EFR3B: variants seen among roughly 807,000 people sequenced by gnomAD.
EFR3B encodes the protein EFR3 homolog B.
Under a neutral mutation model 104.7 loss-of-function variants are expected in EFR3B, and 64 were observed. The ratio of observed to expected loss-of-function variants is 0.61; its 90% CI spans 0.50 to 0.75. The LOEUF (loss-of-function observed/expected upper bound fraction) is 0.75, where lower values mean the gene tolerates loss of function less well. Ranked by LOEUF, EFR3B falls within the 30% of genes least tolerant of loss-of-function variation. The pLI is 0.00. For synonymous variants in EFR3B, 385 were observed against 417.9 expected (o/e 0.92, Z 0.96); for missense variants, 750 against 1,078.5 (o/e 0.70, Z 4.27).
At chr2:25,083,600 G>C (rs1241957896) in intron 1 of EFR3B, among the ~76,000 whole-genome samples, 1 of 152,110 alleles carries the variant, frequency 6.6e-6, no homozygotes, top group African/African-American at 2.4e-5. Context: ...GCTGCTTTGG[G>C]ACCCAGAAGC....
chr2:25,135,697 G>T, intron 13 of EFR3B, 58 bp downstream of exon 13: 1 of 1,538,588 alleles, frequency 6.5e-7, no homozygotes. Context: ...TCTCCATTAG[G>T]TCCTATCCTT....
chr2:25,113,401 C>G (rs1353810644), intron 4 of EFR3B, among the ~76,000 whole-genome samples: 1 of 152,032 alleles, frequency 6.6e-6, no homozygotes, highest in Non-Finnish European at 1.5e-5. Context: ...GAAATAGTGA[C>G]CAGGCCGGGC....
chr2:25,151,946 G>A lies in EFR3B; in HGVS notation c.2224G>A (p.Glu742Lys). 1 of 1,551,740 alleles carries A rather than the reference G, an allele frequency of 6.4e-7. No homozygotes were observed. The highest frequency in any genetic ancestry group is 1.2e-5 in the South Asian group (1 of 84,056). Residue 742 changes from glutamate (E) to lysine (K), a missense_variant, in exon 21 of 23, where the codon GAG becomes AAG. By Grantham distance (56) the Glu-to-Lys change is moderately conservative. Coordinates refer to ENST00000403714, the MANE Select transcript of EFR3B (RefSeq NM_014971.2). ...DSVAVEEQER[E>K]RRRQVVEKFQ... ...CGTAGCAGTGGAGGAGCAGGAGCGT[G>A]AGCGGCGGCGGCAGGTGGTGGAGAA...
intron 1 of EFR3B, among the ~76,000 whole-genome samples, chr2:25,088,630 C>G (rs1669024916): frequency 1.3e-5 from 2 of 152,126 alleles, no homozygotes; most frequent in South Asian, 2.1e-4. Flanking sequence ...GCTATAAGTG[C>G]TTTATAGCCC....
At chr2:25,075,435 C>A (rs991002416) in intron 1 of EFR3B, among the ~76,000 whole-genome samples, 6 of 152,044 alleles carry the variant, frequency 3.9e-5, no homozygotes, top group Non-Finnish European at 1.5e-5. Flanking sequence ...TTCTTTTCAC[C>A]CTTTCTGACA....
At chr2:25,091,630 C>A (rs116220681) in intron 2 of EFR3B, among the ~76,000 whole-genome samples, 2,509 of 152,334 alleles carry the variant, frequency 0.016, 65 homozygotes, top group African/African-American at 0.057. Context: ...CAGAAGGCAG[C>A]TGGAAGTGCG....
intron 5 of EFR3B, among the ~76,000 whole-genome samples, chr2:25,126,740 C>CTT (rs1670179500): frequency 6.6e-6 from 1 of 151,946 alleles, no homozygotes; most frequent in African/African-American, 2.4e-5. Context: ...AAGCTATATA[C>CTT]TGGCCTTGCC....
chr2:25,065,346 A>ATTTTTT (rs749717958), intron 1 of EFR3B, among the ~76,000 whole-genome samples: 5 of 93,356 alleles, frequency 5.4e-5, no homozygotes, highest in Non-Finnish European at 8.2e-5. Context: ...ACACCCAGCT[A>ATTTTTT]TTTTTTTTTT....
chr2:25,096,939 C>T (rs988277142), intron 3 of EFR3B, among the ~76,000 whole-genome samples: 1 of 152,144 alleles, frequency 6.6e-6, no homozygotes, highest in African/African-American at 2.4e-5. Context: ...GAGGTTACAT[C>T]CTGAATAAGA....
In EFR3B at chr2:25,114,321, G is replaced by A. The variant is rs1242346777; in HGVS notation, c.364-7352G>A. Among the ~76,000 whole-genome samples, 5 of 152,094 alleles carry A rather than the reference G, an allele frequency of 3.3e-5. No homozygotes were observed. The highest frequency in any genetic ancestry group is 2.0e-4 in the Admixed American group (3 of 15,268). ...CCAGGTGACCTAGCTGGGCTGCTGC[G>A]ACTGCGCTTTCATACTTCCAGCCTC... On this transcript the variant is annotated intron_variant, in intron 4 of 22. Transcript: ENST00000403714. The surrounding 1 kb of genome is among the most constrained non-coding windows in gnomAD (Gnocchi z 4.0).
chr2:25,112,915 T>C (rs1272375447), intron 4 of EFR3B, among the ~76,000 whole-genome samples: 1 of 152,152 alleles, frequency 6.6e-6, no homozygotes, highest in Non-Finnish European at 1.5e-5. Context: ...ATGGCTATCT[T>C]CTGTTTGGAG....
chr2:25,129,884 T>C (rs569384437), intron 6 of EFR3B, 91 bp from the exon 7 acceptor site: 5 of 1,480,320 alleles, frequency 3.4e-6, no homozygotes, highest in Admixed American at 4.5e-5. Context: ...CCTGCTTGTC[T>C]TGTGTGGATG....
In EFR3B at chr2:25,042,597, C is replaced by T. The variant is rs747756866; in HGVS notation, c.7+278C>T. 8.7e-5 allele frequency: 103 copies of T among 1,188,230 alleles called. No homozygotes were observed. Among genetic ancestry groups the T allele is most frequent in the Non-Finnish European group, 1.0e-4 (98 of 960,276 alleles). 73.6% of individuals were successfully genotyped at this position (1,188,230 alleles called of 1,614,324 possible). On this transcript the variant is annotated intron_variant, in intron 1 of 22. Coordinates refer to ENST00000403714, the MANE Select transcript of EFR3B (RefSeq NM_014971.2). The surrounding 1 kb of genome is among the most constrained non-coding windows in gnomAD (Gnocchi z 5.4). ...GAGGCTCAGGGGAAAGCGGGTCTCC[C>T]GGAGCCGAGCAGACCGGGAGTGCTG...
chr2:25,094,032 A>C (rs1669207930), intron 3 of EFR3B, among the ~76,000 whole-genome samples: 1 of 152,128 alleles, frequency 6.6e-6, no homozygotes, highest in African/African-American at 2.4e-5. Flanking sequence ...CATACCTATA[A>C]TCCCAGCACT....
rs766496459 is a variant in EFR3B, at chr2:25,137,527, T to C, written c.1722+25T>C. 14 of 1,551,378 alleles carry C rather than the reference T, an allele frequency of 9.0e-6. No individual in the cohort carries two copies. In the East Asian group the frequency reaches 1.7e-4, roughly 19 times the overall value. ...GGTGGGGCCTGGTGTGCGCAGGGCA[T>C]GGGGCTTGGGATCAGGGGAGGGACT... On this transcript the variant is annotated intron_variant, in intron 15 of 22. Coordinates refer to ENST00000403714, the MANE Select transcript of EFR3B (RefSeq NM_014971.2). This position sits in a 1 kb window ranked among gnomAD's most constrained non-coding sequence, Gnocchi z 4.7.
rs922735865 is a variant in EFR3B, at chr2:25,128,272, A to T, written c.575A>T (p.His192Leu). ...CAGGCCAATATCTGGGACCCACAGCACATGGATAAGATCGTTCCATCACTG... is the reference window on the plus strand; with the variant it reads ...CAGGCCAATATCTGGGACCCACAGCTCATGGATAAGATCGTTCCATCACTG... ...ELQANIWDPQ[H>L]MDKIVPSLLF... The change falls in exon 6 of 23, where the codon CAC (histidine) becomes CTC (leucine). Residue 192 changes from histidine to leucine, a missense_variant. By Grantham distance (99) the His-to-Leu change is moderately conservative (BLOSUM62 -3). Transcript: ENST00000403714. 6.4e-7 allele frequency: 1 copy of T among 1,551,898 alleles called. No homozygotes were observed. The highest frequency in any genetic ancestry group is 8.7e-7 in the Non-Finnish European group (1 of 1,147,048).
rs575477789 is a variant in EFR3B at position 25,088,882 on chromosome 2, C to T, written c.8-2443C>T. ...AAGAAAGAAGTGTTGGGGAGTAAGT[C>T]GGGAAGCCCTCACCTTCCCCTGTTA... On this transcript the variant is annotated intron_variant, in intron 1 of 22. Transcript: ENST00000403714. Among the ~76,000 whole-genome samples, 9 of 152,256 alleles carry T rather than the reference C, an allele frequency of 5.9e-5. No homozygotes were observed. The South Asian group carries it at 8.3e-4, about 14-fold the overall frequency.
In EFR3B at chr2:25,155,740, C is replaced by T. The variant is rs1198868422; in HGVS notation, c.*1400C>T. 1 of 152,228 alleles carries T rather than the reference C, an allele frequency of 6.6e-6. No homozygotes were observed. The highest frequency in any genetic ancestry group is 1.5e-5 in the Non-Finnish European group (1 of 68,064). The allele number at this position is 152,228 out of a possible 1,614,324, so 9.4% of individuals were successfully genotyped here. A position where few individuals can be genotyped will look rare whatever the true frequency, so the allele number is the denominator to read the frequency against. ...TCCGTTAGTCACATTTCCCATAACT[C>T]CTCCGAGCCAACATAACCTACAGTA... On this transcript the variant is annotated 3_prime_UTR_variant, in exon 23 of 23. Coordinates refer to ENST00000403714, the MANE Select transcript of EFR3B (RefSeq NM_014971.2).
At chr2:25,048,292 G>A (rs548719684) in intron 1 of EFR3B, among the ~76,000 whole-genome samples, 18 of 152,140 alleles carry the variant, frequency 1.2e-4, no homozygotes, top group Non-Finnish European at 2.2e-4. Flanking sequence ...GGGATTACAG[G>A]CATGAACTAC....
Sources: allele counts gnomAD v4.1 joint callset (sites outside exome capture counted in the v4.1 genomes callset), GRCh38; gene constraint gnomAD v4.1.1; non-coding constraint Gnocchi (gnomAD v3.1); transcripts MANE v1.5; gene names NCBI Gene and HGNC (gene_info 2026-07-23, HGNC 2026-07-21).